SUGCT: variants seen among roughly 807,000 people sequenced by gnomAD.
The protein encoded by SUGCT is succinyl-CoA:glutarate CoA-transferase.
A neutral mutation model predicts 55.0 loss-of-function variants in SUGCT; 41 were observed. The observed-to-expected ratio is 0.74, with a 90% CI of 0.58 to 0.97. The LOEUF is 0.97. Ranked by LOEUF, SUGCT falls within the 50% of genes least tolerant of loss-of-function variation. The pLI, the probability that SUGCT is intolerant of heterozygous loss-of-function variation, is 0.00. For synonymous variants in SUGCT, 187 were observed against 200.4 expected (o/e 0.93, Z 0.56); for missense variants, 568 against 547.8 (o/e 1.04, Z -0.37).
At chr7:40,929,144 A>G in the SUGCT span, among the ~76,000 whole-genome samples, 16 of 152,012 alleles carry the variant, frequency 1.1e-4, no homozygotes, top group Admixed American at 3.9e-4. Context: ...TCATTGTTCA[A>G]TTCCCACCTA....
intron 12 of SUGCT, among the ~76,000 whole-genome samples, chr7:40,529,604 G>C (rs1256210870): frequency 6.6e-6 from 1 of 152,218 alleles, no homozygotes; most frequent in Non-Finnish European, 1.5e-5. Flanking sequence ...AGAGGAACTA[G>C]ATGTTCCTTT....
chr7:40,721,174 A>G (rs557461963), intron 12 of SUGCT, among the ~76,000 whole-genome samples: 3 of 152,314 alleles, frequency 2.0e-5, no homozygotes, highest in East Asian at 1.9e-4. Context: ...ACAGTCCACT[A>G]TCTGCCTGTT....
chr7:40,321,229 T>C lies in SUGCT; in HGVS notation c.816+4374T>C, dbSNP rs552667227. The stretch of plus-strand genomic sequence containing the variant: ...TAGCTGGGATTACAGGCAAACGCCA[T>C]CACGCCTGGCTAATTTTTTGTACTT... On this transcript the variant is annotated intron_variant, in intron 9 of 13. Coordinates refer to ENST00000335693, the MANE Select transcript of SUGCT (RefSeq NM_001193313.2). 1.9e-3 allele frequency among the ~76,000 whole-genome samples: 282 copies of C among 150,718 alleles called. 1 individual carries two copies. Among genetic ancestry groups the C allele is most frequent in the Admixed American group, 3.9e-3 (59 of 15,158 alleles).
chr7:40,521,623 A>G (rs954968739), intron 12 of SUGCT, among the ~76,000 whole-genome samples: 6 of 152,112 alleles, frequency 3.9e-5, no homozygotes, highest in Admixed American at 1.3e-4. Flanking sequence ...TGTAGCAGCT[A>G]TGCCTATTTT....
chr7:40,874,002 G>T, the SUGCT span, among the ~76,000 whole-genome samples: 8 of 148,014 alleles, frequency 5.4e-5, no homozygotes, highest in South Asian at 2.3e-4. Context: ...GTTACATGCA[G>T]AGGTGAGCAG....
chr7:40,136,077 A>G (rs568851209), intron 1 of SUGCT, among the ~76,000 whole-genome samples: 1 of 151,566 alleles, frequency 6.6e-6, no homozygotes, highest in African/African-American at 2.4e-5. Flanking sequence ...GTTCACCACA[A>G]CCTCTGCCTC....
At chr7:40,413,606 A>G (rs920273281) in intron 9 of SUGCT, among the ~76,000 whole-genome samples, 1 of 152,232 alleles carries the variant, frequency 6.6e-6, no homozygotes, top group Non-Finnish European at 1.5e-5. Context: ...CAACATCTGT[A>G]TGTGAGAAAG....
rs185965074 is a variant in SUGCT, at chr7:40,397,122, G to A, written c.817-52165G>A. On this transcript the variant is annotated intron_variant, in intron 9 of 13. Transcript: ENST00000335693. ...TGAAATGGTTAAAAATGCATGCAGA[G>A]TGGTCCTTTCCAGCGATATCTCCCA... is the stretch of plus-strand genomic sequence containing the variant. Among the ~76,000 whole-genome samples, 139 of 152,300 alleles carry A rather than the reference G, an allele frequency of 9.1e-4. 1 individual carries two copies. Among genetic ancestry groups the A allele is most frequent in the Middle Eastern group, 3.4e-3 (1 of 294 alleles).
At chr7:40,753,808 A>G (rs1014265438) in intron 13 of SUGCT, among the ~76,000 whole-genome samples, 3 of 152,228 alleles carry the variant, frequency 2.0e-5, no homozygotes, top group Non-Finnish European at 4.4e-5. Context: ...GGACAAGGAT[A>G]GGAAATTATT....
intron 12 of SUGCT, among the ~76,000 whole-genome samples, chr7:40,744,132 C>T (rs1001556577): frequency 5.3e-5 from 8 of 150,602 alleles, no homozygotes; most frequent in South Asian, 2.1e-4. Context: ...TTCGCCATGT[C>T]GGCCAGGCTG....
At chr7:40,667,886 C>A (rs1400180879) in intron 12 of SUGCT, among the ~76,000 whole-genome samples, 1 of 151,942 alleles carries the variant, frequency 6.6e-6, no homozygotes, top group Non-Finnish European at 1.5e-5. Flanking sequence ...TTCAAAGAAC[C>A]AATTTTTTGT....
chr7:40,621,375 G>T (rs1799256457), intron 12 of SUGCT, among the ~76,000 whole-genome samples: 1 of 152,140 alleles, frequency 6.6e-6, no homozygotes, highest in Non-Finnish European at 1.5e-5. Context: ...AGCCAGTGTG[G>T]ATATTCTTAG....
the SUGCT span, among the ~76,000 whole-genome samples, chr7:40,999,655 A>G: frequency 6.6e-6 from 1 of 152,102 alleles, no homozygotes; most frequent in Non-Finnish European, 1.5e-5. Context: ...CCCACTCCCC[A>G]ATCAATGAGA....
chr7:40,359,535 C>T (rs1798049606), intron 9 of SUGCT, among the ~76,000 whole-genome samples: 1 of 152,048 alleles, frequency 6.6e-6, no homozygotes, highest in African/African-American at 2.4e-5. Flanking sequence ...TAAGACTGGA[C>T]CTGACGTGGC....
chr7:40,678,376 T>C lies in SUGCT; in HGVS notation c.1090-71058T>C, dbSNP rs538427099. Among the ~76,000 whole-genome samples, 4 of 152,274 alleles carry C rather than the reference T, an allele frequency of 2.6e-5. No individual in the cohort carries two copies. The East Asian group carries it at 7.7e-4, about 29-fold the overall frequency. On this transcript the variant is annotated intron_variant, in intron 12 of 13. Transcript: ENST00000335693. ...GTCCATGAGCAGGAATGAGTGAATATATGATGAAGGAAGAAGATCCTTGAT... is the reference window on the plus strand; with the variant it reads ...GTCCATGAGCAGGAATGAGTGAATACATGATGAAGGAAGAAGATCCTTGAT...
At chr7:40,413,340 C>A (rs1374986520) in intron 9 of SUGCT, among the ~76,000 whole-genome samples, 1 of 152,090 alleles carries the variant, frequency 6.6e-6, no homozygotes, top group African/African-American at 2.4e-5. Context: ...TGTGTCTGGC[C>A]TCCTTCCTGG....
intron 7 of SUGCT, among the ~76,000 whole-genome samples, chr7:40,273,249 C>A (rs6462969): frequency 1 from 151,565 of 152,298 alleles, 75,419 homozygotes; most frequent in East Asian, 1. Context: ...GCTACTATAC[C>A]GTCTCAGTTA....
At chr7:40,539,339 G>A (rs1794547366) in intron 12 of SUGCT, 1 of 152,082 alleles carries the variant, frequency 6.6e-6, no homozygotes, top group Non-Finnish European at 1.5e-5. Context: ...TACTCAAGAT[G>A]ATAAAAGAGC....
chr7:40,209,865 A>C (rs1787234416), intron 6 of SUGCT, among the ~76,000 whole-genome samples: 1 of 152,106 alleles, frequency 6.6e-6, no homozygotes, highest in South Asian at 2.1e-4. Flanking sequence ...CAAGAAATGA[A>C]ATATTTTGGC....
Sources: gnomAD v4.1 joint callset for allele counts (sites outside exome capture counted in the v4.1 genomes callset) on GRCh38, gnomAD v4.1.1 for gene constraint, MANE v1.5 for transcripts, NCBI Gene and HGNC (gene_info 2026-07-23, HGNC 2026-07-21) for gene names.